ZNF114: variants seen among roughly 807,000 people sequenced by gnomAD.
The protein encoded by ZNF114 is zinc finger protein 114.
ZNF114 carries 8 observed loss-of-function variants against 6.8 expected under a neutral mutation model. The ratio of observed to expected loss-of-function variants is 1.18; its 90% confidence interval spans 0.69 to 2.13. The LOEUF is 2.13. ZNF114 is among the 30% of genes most tolerant of loss of function. The pLI is 0.00. For missense variants in ZNF114, 472 were observed against 519.5 expected (o/e 0.91, Z 0.89); for synonymous variants, 169 against 185.5 (o/e 0.91, Z 0.72).
At chr19:48,281,199 A>G (rs1967979584) in intron 4 of ZNF114, among the ~76,000 whole-genome samples, 1 of 152,124 alleles carries the variant, frequency 6.6e-6, no homozygotes, top group African/African-American at 2.4e-5. Context: ...AATCGACTGT[A>G]CCTCTTCCTG....
intron 3 of ZNF114, among the ~76,000 whole-genome samples, chr19:48,273,128 GCTGAACATGGT>G (rs1967721559): frequency 6.6e-6 from 1 of 152,142 alleles, no homozygotes; most frequent in South Asian, 2.1e-4. Context: ...AGTTCCGTGT[GCTGAACATGGT>G]CTTTTATGGG....
chr19:48,273,017 G>T (rs1967717882), intron 3 of ZNF114, among the ~76,000 whole-genome samples: 1 of 152,056 alleles, frequency 6.6e-6, no homozygotes, highest in Non-Finnish European at 1.5e-5. Flanking sequence ...GGATGGTCTC[G>T]AGCTCCTGAC....
In ZNF114 at chr19:48,286,996, A is replaced by G. The variant is rs1968150730; in HGVS notation, c.*118A>G. On this transcript the variant is annotated 3_prime_UTR_variant, in exon 6 of 6. Transcript: ENST00000595607. ...GAGAACATCTTCCCTGAACTCTCGTATCTTACAGAAATGTGAAAAAAAACC... is the reference window on the plus strand; with the variant it reads ...GAGAACATCTTCCCTGAACTCTCGTGTCTTACAGAAATGTGAAAAAAAACC... The G allele has an allele frequency of 3.2e-5, 35 of 1,108,288 alleles. No individual in the cohort carries two copies. Among genetic ancestry groups the G allele is most frequent in the Admixed American group, 6.9e-5 (2 of 29,094 alleles). 68.7% of individuals were successfully genotyped at this position (1,108,288 alleles called of 1,614,324 possible). A position where few individuals can be genotyped will look rare whatever the true frequency, so the allele number is the denominator to read the frequency against.
At chr19:48,271,958 C>T (rs1415411207) in intron 3 of ZNF114, 130 bp downstream of exon 3, 1 of 152,290 alleles carries the variant, frequency 6.6e-6, no homozygotes, top group Non-Finnish European at 1.5e-5. Flanking sequence ...GAATGACCCA[C>T]GTGTTCAGAC....
At chr19:48,284,834 C>G (rs191776667) in intron 5 of ZNF114, among the ~76,000 whole-genome samples, 4 of 152,246 alleles carry the variant, frequency 2.6e-5, no homozygotes, top group African/African-American at 9.6e-5. Flanking sequence ...GCCAGCTACT[C>G]GGGAGACTGA....
chr19:48,275,419 AACACACACAC>A (rs58275965), intron 3 of ZNF114, among the ~76,000 whole-genome samples: 15 of 133,196 alleles, frequency 1.1e-4, no homozygotes, highest in South Asian at 2.5e-4. Context: ...TCTCTACTAA[AACACACACAC>A]ACACACACAC....
In ZNF114 at chr19:48,286,731, C is replaced by A; in HGVS notation, c.1107C>A (p.Val369=). 2 of 1,613,742 alleles carry A rather than the reference C, an allele frequency of 1.2e-6. No individual in the cohort carries two copies. The highest frequency in any genetic ancestry group is 2.2e-5 in the South Asian group (2 of 90,922). Residue 369 remains valine, a synonymous_variant, in exon 6 of 6, where the codon GTC becomes GTA. Coordinates refer to ENST00000595607, the MANE Select transcript of ZNF114 (RefSeq NM_153608.4). ...ACGAATGTGAAGAATGTGGGAAAGTCATTCGGGAGTCCTCAAAATATACAC... is the reference window on the plus strand; with the variant it reads ...ACGAATGTGAAGAATGTGGGAAAGTAATTCGGGAGTCCTCAAAATATACAC... ...KPYECEECGK[V]IRESSKYTHI... is the part of the protein sequence containing the mutation.
intron 5 of ZNF114, 111 bp from the exon 6 acceptor site, chr19:48,285,646 GGGAA>G: frequency 8.7e-7 from 1 of 1,151,504 alleles, no homozygotes; most frequent in Non-Finnish European, 1.2e-6. Context: ...GAGGGAGGGA[GGGAA>G]AGAAAGAAAG....
intron 4 of ZNF114, among the ~76,000 whole-genome samples, chr19:48,281,894 C>CTT (rs869238604): frequency 0.017 from 1,557 of 90,396 alleles, 86 homozygotes; most frequent in African/African-American, 0.031. Flanking sequence ...ACAACCTCAT[C>CTT]TTTTTTTTTT....
chr19:48,283,520 C>A (rs1170824319), intron 5 of ZNF114, among the ~76,000 whole-genome samples: 7 of 151,998 alleles, frequency 4.6e-5, no homozygotes, highest in Non-Finnish European at 2.9e-5. Context: ...GCAGTTTTGT[C>A]CAGGCATTTA....
chr19:48,276,487 T>C (rs2147285781), intron 3 of ZNF114, among the ~76,000 whole-genome samples: 1 of 152,262 alleles, frequency 6.6e-6, no homozygotes, highest in African/African-American at 2.4e-5. Context: ...ACGTGTCTTA[T>C]TTCCTGAATC....
intron 1 of ZNF114, 159 bp downstream of exon 1, chr19:48,270,378 C>G (rs1196071807): frequency 8.8e-6 from 1 of 113,168 alleles, no homozygotes; most frequent in Non-Finnish European, 1.7e-5. Context: ...AAGGACAGAG[C>G]AAGAACTTGT....
chr19:48,285,877 A>G lies in ZNF114; in HGVS notation c.253A>G (p.Thr85Ala), dbSNP rs764006769. Residue 85 changes from threonine to alanine, a missense_variant, in exon 6 of 6, where the codon ACA (threonine) becomes GCA (alanine). Thr to Ala is a moderately conservative substitution (Grantham distance 58). Transcript: ENST00000595607. ...CLTSISSQHS[T>A]LREDWRCPKT... ...CACGAGCATCAGTTCCCAGCACTCC[A>G]CATTAAGAGAAGACTGGAGATGCCC... The G allele has an allele frequency of 5.0e-6, 8 of 1,614,218 alleles. No homozygotes were observed. The South Asian group carries it at 8.8e-5, about 18-fold the overall frequency.
chr19:48,280,547 ATTTTTT>A (rs397859226), intron 4 of ZNF114, among the ~76,000 whole-genome samples: 4 of 123,008 alleles, frequency 3.3e-5, no homozygotes, highest in South Asian at 2.6e-4. Flanking sequence ...CCCACTCCAA[ATTTTTT>A]TTTTTTTTTT....
At chr19:48,281,308 A>T (rs1375332281) in intron 4 of ZNF114, among the ~76,000 whole-genome samples, 1 of 152,066 alleles carries the variant, frequency 6.6e-6, no homozygotes, top group Non-Finnish European at 1.5e-5. Context: ...GAAGTCCGAG[A>T]TCAAAATAGC....
Position 48,287,296 on chromosome 19 carries a change from C to A in ZNF114, c.*418C>A, listed in dbSNP as rs926298811. 4 of 154,532 alleles carry A rather than the reference C, an allele frequency of 2.6e-5. No individual in the cohort carries two copies. The highest frequency in any genetic ancestry group is 1.3e-4 in the Admixed American group (2 of 15,638). 9.6% of individuals were successfully genotyped at this position (154,532 alleles called of 1,614,324 possible). On this transcript the variant is annotated 3_prime_UTR_variant, in exon 6 of 6. Transcript: ENST00000595607. ...GGATCACGAGGTCAGGAGATCAAGACCATCCTGGCTAACACGGTGATACCC... is the reference window on the plus strand; with the variant it reads ...GGATCACGAGGTCAGGAGATCAAGAACATCCTGGCTAACACGGTGATACCC...
intron 3 of ZNF114, among the ~76,000 whole-genome samples, chr19:48,277,795 GTGTGTGT>G (rs1305866213): frequency 0.088 from 2,176 of 24,690 alleles, 70 homozygotes; most frequent in African/African-American, 0.19. Flanking sequence ...GAGGCATTGG[GTGTGTGT>G]GTGTGTGTGT....
chr19:48,285,682 C>T (rs1006713832), intron 5 of ZNF114, 79 bp from the exon 6 acceptor site: 11 of 1,439,354 alleles, frequency 7.6e-6, no homozygotes, highest in Middle Eastern at 1.8e-4. Context: ...GAAATCCACA[C>T]GGAGATTGCC....
chr19:48,272,339 G>A (rs570293786), intron 3 of ZNF114, among the ~76,000 whole-genome samples: 1 of 151,798 alleles, frequency 6.6e-6, no homozygotes, highest in Admixed American at 6.6e-5. Context: ...TTGAACCCGG[G>A]AGGTGGAGGT....
Sources: gnomAD v4.1 joint callset for allele counts (sites outside exome capture counted in the v4.1 genomes callset) on GRCh38, gnomAD v4.1.1 for gene constraint, MANE v1.5 for transcripts, NCBI Gene and HGNC (gene_info 2026-07-23, HGNC 2026-07-21) for gene names.